The following AGPS variants were observed in gnomAD, a reference collection of about 807,000 sequenced individuals.
AGPS encodes alkylglycerone phosphate synthase.
In AGPS, 26 loss-of-function variants were observed where a neutral mutation model predicts 90.7. The ratio of observed to expected loss-of-function variants is 0.29; its 90% CI spans 0.21 to 0.40. AGPS has a LOEUF of 0.40. AGPS is among the 10% of genes least tolerant of loss of function. The pLI is 1.00. For synonymous variants in AGPS, 294 were observed against 285.3 expected (o/e 1.03, Z -0.31); for missense variants, 540 against 816.1 (o/e 0.66, Z 4.12).
chr2:177,530,571 A>C (rs745385683), intron 19 of AGPS, among the ~76,000 whole-genome samples: 1 of 152,196 alleles, frequency 6.6e-6, no homozygotes, highest in African/African-American at 2.4e-5. Flanking sequence ...TGACACTCTC[A>C]GTACCACTTT....
rs1022910823 is a variant in AGPS at position 177,539,187 on chromosome 2, T to A, written c.*992T>A. On this transcript the variant is annotated 3_prime_UTR_variant, in exon 20 of 20. Transcript: ENST00000264167. Reference sequence around the variant, plus strand: ...ATGACAAAAATCATTTTTGATTTTTTAAAATTAATCCCAATGGCATGATAA... The same window carrying A: ...ATGACAAAAATCATTTTTGATTTTTAAAAATTAATCCCAATGGCATGATAA... 1 of 152,112 alleles carries A rather than the reference T, an allele frequency of 6.6e-6. No individual in the cohort carries two copies. The highest frequency in any genetic ancestry group is 2.4e-5 in the African/African-American group (1 of 41,460). The allele number at this position is 152,112 out of a possible 1,614,324, so 9.4% of individuals were successfully genotyped here.
At chr2:177,438,272 A>C (rs1381963730) in intron 5 of AGPS, among the ~76,000 whole-genome samples, 1 of 152,166 alleles carries the variant, frequency 6.6e-6, no homozygotes, top group Non-Finnish European at 1.5e-5. Flanking sequence ...AAATACTTAG[A>C]GAGTTGGGCT....
rs6759567 is a variant in AGPS, at chr2:177,436,439, T to C, written c.442-325T>C. Among the ~76,000 whole-genome samples, 131,854 of 152,086 alleles carry C rather than the reference T, an allele frequency of 0.87. 57,377 individuals carry two copies. Among genetic ancestry groups the C allele is most frequent in the East Asian group, 0.98 (5,081 of 5,178 alleles). Reference sequence around the variant, plus strand: ...TGCTGGGATTACAGGCGTGAGCCACTGCACCCGGCCAGAAATGCTAAATTT... The same window carrying C: ...TGCTGGGATTACAGGCGTGAGCCACCGCACCCGGCCAGAAATGCTAAATTT... On this transcript the variant is annotated intron_variant, in intron 3 of 19. Coordinates refer to ENST00000264167, the MANE Select transcript of AGPS (RefSeq NM_003659.4).
intron 15 of AGPS, among the ~76,000 whole-genome samples, chr2:177,506,121 A>C (rs1384533593): frequency 6.6e-6 from 1 of 151,758 alleles, no homozygotes; most frequent in Non-Finnish European, 1.5e-5. Flanking sequence ...CTGATATGAA[A>C]TTGTTCTTTT....
intron 10 of AGPS, among the ~76,000 whole-genome samples, chr2:177,472,142 T>G (rs1687642086): frequency 6.6e-6 from 1 of 151,750 alleles, no homozygotes; most frequent in African/African-American, 2.4e-5. Context: ...GTTTCAGTTT[T>G]CATCCTCAGG....
chr2:177,406,066 TC>T (rs1158328156), intron 1 of AGPS, among the ~76,000 whole-genome samples: 1 of 152,108 alleles, frequency 6.6e-6, no homozygotes, highest in African/African-American at 2.4e-5. Flanking sequence ...CTGAGCTCCA[TC>T]CCCCATCCCT....
At chr2:177,420,213 T>C (rs1685905451) in intron 1 of AGPS, 56 bp from the exon 2 acceptor site, 15 of 1,086,342 alleles carry the variant, frequency 1.4e-5, no homozygotes. Flanking sequence ...TGATATACTG[T>C]ACAGTTTTAA....
chr2:177,509,493 C>T (rs991252070), intron 16 of AGPS, among the ~76,000 whole-genome samples: 3 of 151,890 alleles, frequency 2.0e-5, no homozygotes, highest in East Asian at 1.9e-4. Flanking sequence ...GGTGAAACCT[C>T]GTCTCTACTG....
intron 14 of AGPS, among the ~76,000 whole-genome samples, chr2:177,502,093 T>C (rs1364009904): frequency 6.6e-6 from 1 of 152,236 alleles, no homozygotes; most frequent in Non-Finnish European, 1.5e-5. Context: ...CTTCAGATAC[T>C]GACACTTAGG....
chr2:177,506,366 A>G (rs906149634), intron 15 of AGPS, among the ~76,000 whole-genome samples: 7 of 151,824 alleles, frequency 4.6e-5, no homozygotes, highest in Non-Finnish European at 7.4e-5. Context: ...AAATTTATAC[A>G]TAATAAATAT....
chr2:177,450,791 C>T (rs1329298667), intron 8 of AGPS, among the ~76,000 whole-genome samples: 2 of 151,506 alleles, frequency 1.3e-5, no homozygotes, highest in Admixed American at 1.3e-4. Context: ...GAAAAAGTCC[C>T]ATTGGGATTT....
intron 2 of AGPS, among the ~76,000 whole-genome samples, chr2:177,429,355 G>GA: frequency 6.6e-6 from 1 of 152,266 alleles, no homozygotes; most frequent in East Asian, 1.9e-4. Context: ...GCCCTTGCTG[G>GA]AGAGGTATTG....
intron 9 of AGPS, among the ~76,000 whole-genome samples, chr2:177,463,567 A>G (rs1479562296): frequency 6.6e-6 from 1 of 152,168 alleles, no homozygotes; most frequent in Non-Finnish European, 1.5e-5. Flanking sequence ...CTTTAATAAA[A>G]TATATTGGTT....
chr2:177,469,396 C>G (rs1274794107), intron 10 of AGPS, among the ~76,000 whole-genome samples: 1 of 152,014 alleles, frequency 6.6e-6, no homozygotes, highest in East Asian at 1.9e-4. Context: ...ACAGTAACAT[C>G]AAAGAGGGAA....
chr2:177,437,163 G>T, intron 5 of AGPS, 109 bp downstream of exon 5: 1 of 1,063,648 alleles, frequency 9.4e-7, no homozygotes, highest in Non-Finnish European at 1.4e-6. Context: ...AATATAAATT[G>T]CTGTATTTTT....
At chr2:177,434,997 G>GTA (rs1553509324) in intron 3 of AGPS, among the ~76,000 whole-genome samples, 3,861 of 128,042 alleles carry the variant, frequency 0.03, 120 homozygotes, top group East Asian at 0.12. Flanking sequence ...TAAACTGTAG[G>GTA]TATATATATA....
chr2:177,463,048 T>C (rs1286429539), intron 9 of AGPS, among the ~76,000 whole-genome samples: 2 of 152,218 alleles, frequency 1.3e-5, no homozygotes, highest in Non-Finnish European at 2.9e-5. Context: ...ATTTTTCCTG[T>C]ATAGAATTAA....
At chr2:177,395,340 C>T (rs1051698231) in intron 1 of AGPS, among the ~76,000 whole-genome samples, 1 of 152,132 alleles carries the variant, frequency 6.6e-6, no homozygotes, top group Non-Finnish European at 1.5e-5. Context: ...CTGAAGGCAT[C>T]GATAGTTCAG....
At chr2:177,418,949 TGTTA>T (rs1313760174) in intron 1 of AGPS, among the ~76,000 whole-genome samples, 1 of 151,992 alleles carries the variant, frequency 6.6e-6, no homozygotes, top group African/African-American at 2.4e-5. Flanking sequence ...AAATATTTGG[TGTTA>T]GTTTATAACT....
Sources: gnomAD v4.1 joint callset for allele counts (sites outside exome capture counted in the v4.1 genomes callset) on GRCh38, gnomAD v4.1.1 for gene constraint, MANE v1.5 for transcripts, NCBI Gene and HGNC (gene_info 2026-07-23, HGNC 2026-07-21) for gene names.